Variants in PDE7B observed in about 807,000 individuals in gnomAD.
PDE7B encodes phosphodiesterase 7B, also known as 3',5'-cyclic-AMP phosphodiesterase 7B.
In PDE7B, 29 loss-of-function variants were observed where a neutral mutation model predicts 56.2. The observed-to-expected ratio is 0.52, with a 90% CI of 0.38 to 0.70. The LOEUF (loss-of-function observed/expected upper bound fraction) is 0.70. Ranked by LOEUF, PDE7B falls within the 30% of genes least tolerant of loss-of-function variation. The pLI is 0.00. For synonymous variants in PDE7B, 197 were observed against 196.9 expected, an observed-to-expected ratio of 1.00 and a Z score of 0.00; for missense variants, 490 against 565.0, an observed-to-expected ratio of 0.87 and a Z score of 1.35.
At chr6:136,156,162 A>AGTGTGTGTGCGTGTGT (rs1778599623) in intron 8 of PDE7B, 1 of 248,158 alleles carries the variant, frequency 4.0e-6, no homozygotes, top group African/African-American at 2.6e-5. Context: ...GAATGATCCA[A>AGTGTGTGTGCGTGTGT]GTGTGTGTGT....
At chr6:136,013,305 GT>G in intron 2 of PDE7B, among the ~76,000 whole-genome samples, 1 of 152,258 alleles carries the variant, frequency 6.6e-6, no homozygotes. Context: ...CTTTTCACCA[GT>G]TCTTTTGTGG....
intron 2 of PDE7B, chr6:136,034,243 A>T (rs1562475374): frequency 6.6e-6 from 1 of 152,170 alleles, no homozygotes; most frequent in Admixed American, 6.5e-5. Flanking sequence ...CTGCCTAGTG[A>T]CTGGAGCACC....
intron 1 of PDE7B, among the ~76,000 whole-genome samples, chr6:135,880,817 G>A (rs533729765): frequency 7.2e-5 from 11 of 152,274 alleles, no homozygotes; most frequent in East Asian, 3.9e-4. Flanking sequence ...TTGTGTTCAC[G>A]GGGTGAAGCA....
intron 2 of PDE7B, among the ~76,000 whole-genome samples, chr6:135,999,800 A>T (rs1775634184): frequency 6.6e-6 from 1 of 152,182 alleles, no homozygotes; most frequent in African/African-American, 2.4e-5. Context: ...TGCTGGGCCG[A>T]ATAGTAGTTC....
chr6:136,075,344 C>G (rs1023879791), intron 2 of PDE7B, among the ~76,000 whole-genome samples: 1 of 152,188 alleles, frequency 6.6e-6, no homozygotes, highest in Admixed American at 6.5e-5. Context: ...CCCCAACCCA[C>G]TGCAGATTCT....
chr6:135,905,431 AAG>A (rs1332175095), intron 1 of PDE7B, among the ~76,000 whole-genome samples: 8 of 151,930 alleles, frequency 5.3e-5, no homozygotes, highest in Middle Eastern at 3.4e-3. Flanking sequence ...GAAGTGACAA[AAG>A]AGAAACACTA....
intron 12 of PDE7B, among the ~76,000 whole-genome samples, chr6:136,188,929 G>A (rs1197522951): frequency 1.3e-5 from 2 of 152,120 alleles, no homozygotes; most frequent in Non-Finnish European, 2.9e-5. Context: ...AGAGGTTGAG[G>A]GTTGGGAAGT....
intron 1 of PDE7B, among the ~76,000 whole-genome samples, chr6:135,875,817 G>T (rs1482176649): frequency 2.6e-5 from 4 of 152,106 alleles, no homozygotes; most frequent in Admixed American, 6.6e-5. Context: ...AGCACTTTGA[G>T]GACAATATTC....
chr6:136,052,840 C>T (rs996492743), intron 2 of PDE7B, among the ~76,000 whole-genome samples: 28 of 152,078 alleles, frequency 1.8e-4, no homozygotes, highest in Non-Finnish European at 5.9e-5. Context: ...GATCCTGAGT[C>T]TTCTACCTGG....
At chr6:135,980,619 C>T (rs1351803066) in intron 2 of PDE7B, among the ~76,000 whole-genome samples, 2 of 152,064 alleles carry the variant, frequency 1.3e-5, no homozygotes, top group Non-Finnish European at 2.9e-5. Context: ...AAAGAGTGGG[C>T]GAAGGACATG....
chr6:135,964,037 C>G (rs1396804671), intron 2 of PDE7B, among the ~76,000 whole-genome samples: 2 of 152,002 alleles, frequency 1.3e-5, no homozygotes, highest in African/African-American at 2.4e-5. Context: ...TCATTGTTCT[C>G]TCATTGAAAA....
intron 2 of PDE7B, among the ~76,000 whole-genome samples, chr6:136,011,488 T>C (rs1775894967): frequency 6.6e-6 from 1 of 152,224 alleles, no homozygotes; most frequent in Non-Finnish European, 1.5e-5. Flanking sequence ...TCTCTTATTA[T>C]GAATGGTTAC....
At chr6:136,155,934 G>A (rs1466182048) in intron 8 of PDE7B, 176 bp downstream of exon 8, 3 of 734,088 alleles carry the variant, frequency 4.1e-6, no homozygotes, top group Admixed American at 4.0e-5. Context: ...CTCAAAATGA[G>A]CAAAATCCAA....
chr6:135,854,618 G>A (rs1383500062), intron 1 of PDE7B, among the ~76,000 whole-genome samples: 1 of 152,148 alleles, frequency 6.6e-6, no homozygotes, highest in Non-Finnish European at 1.5e-5. Context: ...ACCTCCTCAT[G>A]GCGGCAGCCC....
chr6:136,023,286 G>T (rs568195764), intron 2 of PDE7B, among the ~76,000 whole-genome samples: 1 of 152,314 alleles, frequency 6.6e-6, no homozygotes, highest in East Asian at 1.9e-4. Context: ...TAGTGCAGAA[G>T]ATCCCAGGAC....
At chr6:136,160,194 A>G (rs1032846903) in intron 8 of PDE7B, among the ~76,000 whole-genome samples, 3 of 152,186 alleles carry the variant, frequency 2.0e-5, no homozygotes, top group Admixed American at 2.0e-4. Flanking sequence ...ACTAGAACAC[A>G]TTGTCATCAG....
intron 2 of PDE7B, among the ~76,000 whole-genome samples, chr6:135,992,477 G>A (rs1775494794): frequency 6.6e-6 from 1 of 152,144 alleles, no homozygotes; most frequent in Non-Finnish European, 1.5e-5. Flanking sequence ...CTTATAATAT[G>A]TTAAAGTTCA....
chr6:136,141,788 T>C (rs1310835795), intron 3 of PDE7B, among the ~76,000 whole-genome samples: 2 of 152,212 alleles, frequency 1.3e-5, no homozygotes, highest in Non-Finnish European at 2.9e-5. Context: ...GTAGTTTGTA[T>C]TTCTGTGGGA....
chr6:136,180,618 G>A (rs1779047805), intron 10 of PDE7B, among the ~76,000 whole-genome samples: 1 of 152,194 alleles, frequency 6.6e-6, no homozygotes, highest in Admixed American at 6.5e-5. Flanking sequence ...GCTTCTCTGG[G>A]AATTCAAGGT....
Sources: allele counts gnomAD v4.1 joint callset (sites outside exome capture counted in the v4.1 genomes callset), GRCh38; gene constraint gnomAD v4.1.1; transcripts MANE v1.5; gene names NCBI Gene and HGNC (gene_info 2026-07-23, HGNC 2026-07-21).